The following ETS1 variants were observed in gnomAD, a reference collection of about 807,000 sequenced individuals.
ETS1 encodes the protein protein C-ets-1.
ETS1 carries 15 observed loss-of-function variants against 58.6 expected under a neutral mutation model. The observed-to-expected ratio is 0.26, with a 90% CI of 0.17 to 0.39. ETS1 has a LOEUF of 0.39. ETS1 is among the 10% of genes least tolerant of loss of function. ETS1 has a pLI of 1.00. For missense variants in ETS1, 417 were observed against 610.5 expected (o/e 0.68, Z 3.34); for synonymous variants, 214 against 218.2 (o/e 0.98, Z 0.17).
At chr11:128,494,561 G>A (rs1862888067) in intron 3 of ETS1, among the ~76,000 whole-genome samples, 1 of 152,204 alleles carries the variant, frequency 6.6e-6, no homozygotes, top group East Asian at 1.9e-4. Context: ...CAAGTGAAAT[G>A]TAAAACAAGG....
At chr11:128,551,971 G>A (rs1214997980) in intron 3 of ETS1, among the ~76,000 whole-genome samples, 1 of 152,112 alleles carries the variant, frequency 6.6e-6, no homozygotes, top group African/African-American at 2.4e-5. Flanking sequence ...CAGAAACCCT[G>A]GGGGTAGAAC....
At position 128,460,473 on chromosome 11, in the gene ETS1, C is replaced by T. The variant is rs1348597842; in HGVS notation, c.*1888G>A. 1 of 152,468 alleles carries T rather than the reference C, an allele frequency of 6.6e-6. No individual in the cohort carries two copies. The highest frequency in any genetic ancestry group is 1.9e-4 in the East Asian group (1 of 5,326). 9.4% of individuals were successfully genotyped at this position (152,468 alleles called of 1,614,324 possible). ...AAAGTAGTTAGTACTTCCAATTTCT[C>T]ATCCAAATCCCAAAAAGGGCCAGCC... On this transcript the variant is annotated 3_prime_UTR_variant, in exon 10 of 10. Transcript: ENST00000392668.
chr11:128,562,727 A>AC (rs1368257234), intron 2 of ETS1, among the ~76,000 whole-genome samples: 2 of 152,158 alleles, frequency 1.3e-5, no homozygotes, highest in Admixed American at 1.3e-4. Flanking sequence ...ACCTGGGCCG[A>AC]CCACCACCAC....
chr11:128,571,712 A>G (rs1171432273), intron 2 of ETS1: 2 of 151,874 alleles, frequency 1.3e-5, no homozygotes, highest in Non-Finnish European at 2.9e-5. Context: ...AGATCCATAA[A>G]TGTACTGGGA....
chr11:128,486,425 AT>A (rs1386965848), intron 5 of ETS1, among the ~76,000 whole-genome samples: 1 of 152,232 alleles, frequency 6.6e-6, no homozygotes, highest in Non-Finnish European at 1.5e-5. Context: ...CTCAGAAGGC[AT>A]TCAGCATTCA....
chr11:128,497,044 C>T (rs537424597), intron 3 of ETS1, among the ~76,000 whole-genome samples: 93 of 152,282 alleles, frequency 6.1e-4, no homozygotes, highest in African/African-American at 2.0e-3. Context: ...ACTATGAGAC[C>T]TGGAAGAGAC....
intron 3 of ETS1, among the ~76,000 whole-genome samples, chr11:128,501,817 G>A (rs542641272): frequency 7.2e-5 from 11 of 152,280 alleles, no homozygotes; most frequent in South Asian, 4.1e-4. Flanking sequence ...GAAAGACTCA[G>A]ACAAAAGCAT....
chr11:128,488,286 T>C (rs11221327), intron 5 of ETS1, among the ~76,000 whole-genome samples: 27,049 of 152,226 alleles, frequency 0.18, 3,098 homozygotes, highest in Middle Eastern at 0.27. Context: ...TATTCCTTTA[T>C]GTCTTATTTT....
chr11:128,536,506 C>T (rs980970516), intron 3 of ETS1: 2 of 152,124 alleles, frequency 1.3e-5, no homozygotes, highest in African/African-American at 4.8e-5. Flanking sequence ...GAATTCAATA[C>T]ATTGGGTAAA....
At chr11:128,560,364 C>A (rs566504909) in intron 2 of ETS1, among the ~76,000 whole-genome samples, 1 of 152,214 alleles carries the variant, frequency 6.6e-6, no homozygotes, top group Non-Finnish European at 1.5e-5. Context: ...CAGCCTGCCT[C>A]GGCCTCCCAA....
intron 1 of ETS1, among the ~76,000 whole-genome samples, chr11:128,578,204 C>CCAGGG (rs1322964846): frequency 6.6e-6 from 1 of 152,060 alleles, no homozygotes; most frequent in Non-Finnish European, 1.5e-5. Context: ...CCAAAGCTTG[C>CCAGGG]CAGGGCAGGG....
At chr11:128,481,076 A>C (rs1480938757) in intron 7 of ETS1, among the ~76,000 whole-genome samples, 1 of 152,244 alleles carries the variant, frequency 6.6e-6, no homozygotes, top group African/African-American at 2.4e-5. Flanking sequence ...CAAATAGAGT[A>C]AGATGGTGTA....
At chr11:128,583,026 A>G (rs1864906026) in intron 1 of ETS1, among the ~76,000 whole-genome samples, 1 of 152,112 alleles carries the variant, frequency 6.6e-6, no homozygotes, top group South Asian at 2.1e-4. Flanking sequence ...TAATGTGCAT[A>G]TGAATCACCC....
chr11:128,519,813 T>C lies in ETS1; in HGVS notation c.215-29237A>G, dbSNP rs554763281. 2.0e-5 allele frequency among the ~76,000 whole-genome samples: 3 copies of C among 152,248 alleles called. No homozygotes were observed. The South Asian group carries it at 6.2e-4, about 31-fold the overall frequency. On this transcript the variant is annotated intron_variant, in intron 3 of 9. Transcript: ENST00000392668. ...TATTTACCTTTCCTGTGACTCTATT[T>C]TCCTCTCTGAGGTATGGGCATAATG... is the stretch of plus-strand genomic sequence containing the variant.
Position 128,463,767 on chromosome 11 carries a change from T to C in ETS1, c.1124-140A>G, listed in dbSNP as rs1861962860. On this transcript the variant is annotated intron_variant, in intron 8 of 9. Transcript: ENST00000392668. The surrounding 1 kb of genome is among the most constrained non-coding windows in gnomAD (Gnocchi z 4.1). Reference sequence around the variant, plus strand: ...AAATGAAGGCAACAGACAGTGCACATGTCGGAGGAAGTGTTATGAGCTCGA... The same window carrying C: ...AAATGAAGGCAACAGACAGTGCACACGTCGGAGGAAGTGTTATGAGCTCGA... 1.6e-6 allele frequency: 1 copy of C among 609,686 alleles called. No homozygotes were observed. The highest frequency in any genetic ancestry group is 3.0e-6 in the Non-Finnish European group (1 of 334,694). 37.8% of individuals were successfully genotyped at this position (609,686 alleles called of 1,614,324 possible). A position where few individuals can be genotyped will look rare whatever the true frequency, so the allele number is the denominator to read the frequency against.
intron 2 of ETS1, among the ~76,000 whole-genome samples, chr11:128,563,879 G>A (rs927112159): frequency 5.3e-5 from 8 of 152,166 alleles, no homozygotes; most frequent in African/African-American, 1.9e-4. Context: ...TAAAGTGTGT[G>A]CAATACCTAG....
chr11:128,518,535 G>C (rs989636106), intron 3 of ETS1, among the ~76,000 whole-genome samples: 2 of 152,224 alleles, frequency 1.3e-5, no homozygotes, highest in Non-Finnish European at 2.9e-5. Flanking sequence ...CTGGAGCACA[G>C]AGAGATTAAG....
chr11:128,522,211 C>T lies in ETS1; in HGVS notation c.215-31635G>A, dbSNP rs1035661437. The T allele has an allele frequency of 9.7e-6, 12 of 1,237,196 alleles. No individual in the cohort carries two copies. The African/African-American group carries it at 1.9e-4, about 20-fold the overall frequency. 76.6% of individuals were successfully genotyped at this position (1,237,196 alleles called of 1,614,324 possible). A position where few individuals can be genotyped will look rare whatever the true frequency, so the allele number is the denominator to read the frequency against. Reference sequence around the variant, plus strand: ...GGCACTTTGCGGCGAAGTGAGCGCGCTCGGGTCCCAGCCTCGCCCGCGCCG... The same window carrying T: ...GGCACTTTGCGGCGAAGTGAGCGCGTTCGGGTCCCAGCCTCGCCCGCGCCG... On this transcript the variant is annotated intron_variant, in intron 3 of 9. Coordinates refer to ENST00000392668, the MANE Select transcript of ETS1 (RefSeq NM_001143820.2).
intron 3 of ETS1, among the ~76,000 whole-genome samples, chr11:128,520,117 G>A (rs4522184): frequency 0.41 from 62,325 of 152,082 alleles, 13,247 homozygotes; most frequent in East Asian, 0.63. Context: ...TGACTGTAGC[G>A]TTAGGCCTTA....
Sources: allele counts gnomAD v4.1 joint callset (sites outside exome capture counted in the v4.1 genomes callset), GRCh38; gene constraint gnomAD v4.1.1; non-coding constraint Gnocchi (gnomAD v3.1); transcripts MANE v1.5; gene names NCBI Gene and HGNC (gene_info 2026-07-23, HGNC 2026-07-21).